RIMS2: variants seen among roughly 807,000 people sequenced by gnomAD.
The protein encoded by RIMS2 is regulating synaptic membrane exocytosis protein 2.
Under a neutral mutation model 174.4 loss-of-function variants are expected in RIMS2, and 59 were observed. That is an observed-to-expected ratio of 0.34 (90% CI 0.27 to 0.42). The LOEUF is 0.42. Among genes scored for constraint, RIMS2 ranks in the 10% least tolerant of loss-of-function variants. The probability of loss-of-function intolerance (pLI) is 1.00; values close to 1 mark genes in which losing one functional copy is unlikely to be tolerated. For missense variants in RIMS2, 1,620 were observed against 1,666.3 expected, an observed-to-expected ratio of 0.97 and a Z score of 0.48; for synonymous variants, 606 against 572.5, an observed-to-expected ratio of 1.06 and a Z score of -0.84.
At position 103,990,929 on chromosome 8, in the gene RIMS2, A is replaced by G. The variant is rs1035966523; in HGVS notation, c.3044+1508A>G. Among the ~76,000 whole-genome samples, 5 of 152,110 alleles carry G rather than the reference A, an allele frequency of 3.3e-5. No homozygotes were observed. The East Asian group carries it at 9.7e-4, about 29-fold the overall frequency. ...ATTATAAATAAAAATGATTGCTATC[A>G]TGTCAAATGCATAATACTTTATAAA... On this transcript the variant is annotated intron_variant, in intron 17 of 23. Coordinates refer to ENST00000504942, the Ensembl canonical transcript of RIMS2.
intron 1 of RIMS2, among the ~76,000 whole-genome samples, chr8:103,692,182 C>T (rs1335095818): frequency 3.9e-5 from 6 of 152,156 alleles, no homozygotes; most frequent in South Asian, 4.2e-4. Flanking sequence ...TGTGCCTCAC[C>T]GAAAGCTCAC....
chr8:104,082,765 A>G (rs1270225184), intron 19 of RIMS2, among the ~76,000 whole-genome samples: 3 of 151,686 alleles, frequency 2.0e-5, no homozygotes, highest in African/African-American at 7.3e-5. Context: ...CTATATATCT[A>G]TATTCTTTTA....
At chr8:104,122,523 T>C (rs1249092193) in intron 19 of RIMS2, among the ~76,000 whole-genome samples, 3 of 152,136 alleles carry the variant, frequency 2.0e-5, no homozygotes, top group Non-Finnish European at 2.9e-5. Context: ...CTATTTTGGG[T>C]AACTATGACT....
intron 4 of RIMS2, among the ~76,000 whole-genome samples, chr8:103,892,955 A>G (rs112005064): frequency 0.011 from 1,698 of 152,006 alleles, 39 homozygotes; most frequent in African/African-American, 0.039. Context: ...TGGAGGATAT[A>G]TTATTATTAT....
intron 3 of RIMS2, among the ~76,000 whole-genome samples, chr8:103,800,511 A>G (rs1313197276): frequency 6.6e-6 from 1 of 152,134 alleles, no homozygotes; most frequent in Non-Finnish European, 1.5e-5. Flanking sequence ...GTCTTCTATT[A>G]CTAATTTGCT....
chr8:104,186,980 T>C (rs1488533160), intron 19 of RIMS2, among the ~76,000 whole-genome samples: 2 of 151,686 alleles, frequency 1.3e-5, no homozygotes, highest in Non-Finnish European at 2.9e-5. Flanking sequence ...AACCTATTTG[T>C]ACAAATAGGT....
At chr8:103,719,396 C>T (rs906453532) in intron 2 of RIMS2, among the ~76,000 whole-genome samples, 2 of 152,186 alleles carry the variant, frequency 1.3e-5, no homozygotes, top group African/African-American at 4.8e-5. Context: ...GCAGGGAAGC[C>T]ATACAAACAT....
intron 1 of RIMS2, among the ~76,000 whole-genome samples, chr8:103,512,937 C>T (rs1242725146): frequency 6.6e-6 from 1 of 152,120 alleles, no homozygotes; most frequent in Non-Finnish European, 1.5e-5. Flanking sequence ...TAAACTAAAT[C>T]AGCAGGAAAT....
intron 1 of RIMS2, among the ~76,000 whole-genome samples, chr8:103,672,582 C>A (rs1164980104): frequency 6.6e-6 from 1 of 151,760 alleles, no homozygotes; most frequent in African/African-American, 2.4e-5. Context: ...GTGCCACACA[C>A]TTTTAAAGAT....
intron 2 of RIMS2, among the ~76,000 whole-genome samples, chr8:103,737,677 C>T (rs2097704326): frequency 6.6e-6 from 1 of 152,186 alleles, no homozygotes; most frequent in Non-Finnish European, 1.5e-5. Context: ...TCTAACATCT[C>T]ATACCATTCT....
At chr8:103,508,572 T>C (rs1824852161) in intron 1 of RIMS2, among the ~76,000 whole-genome samples, 1 of 151,854 alleles carries the variant, frequency 6.6e-6, no homozygotes, top group Non-Finnish European at 1.5e-5. Flanking sequence ...ACTGGAGAGA[T>C]GGCAAGGTTC....
chr8:104,183,305 A>G (rs1338559937), intron 19 of RIMS2, among the ~76,000 whole-genome samples: 2 of 151,738 alleles, frequency 1.3e-5, no homozygotes, highest in Non-Finnish European at 3.0e-5. Context: ...ATTAAGTAGG[A>G]CTTTATAATC....
At chr8:103,581,313 A>C (rs569127586) in intron 1 of RIMS2, among the ~76,000 whole-genome samples, 1 of 152,354 alleles carries the variant, frequency 6.6e-6, no homozygotes, top group East Asian at 1.9e-4. Context: ...CAGGGAATCA[A>C]GCATGGGCCA....
At chr8:104,212,447 T>A (rs565156293) in intron 19 of RIMS2, among the ~76,000 whole-genome samples, 2 of 152,270 alleles carry the variant, frequency 1.3e-5, no homozygotes, top group South Asian at 4.1e-4. Flanking sequence ...TAATTTCAGA[T>A]TAAAGAGTGT....
At chr8:103,615,182 A>G (rs2095476648) in intron 1 of RIMS2, among the ~76,000 whole-genome samples, 1 of 152,220 alleles carries the variant, frequency 6.6e-6, no homozygotes, top group Non-Finnish European at 1.5e-5. Context: ...AATACCAAGC[A>G]CACTGTCAGA....
intron 1 of RIMS2, among the ~76,000 whole-genome samples, chr8:103,570,959 CA>C (rs2092762960): frequency 6.6e-6 from 1 of 152,148 alleles, no homozygotes; most frequent in African/African-American, 2.4e-5. Context: ...ACCAATGACA[CA>C]AAATAAATAT....
At chr8:103,529,648 C>T (rs1447792172) in intron 1 of RIMS2, among the ~76,000 whole-genome samples, 7 of 152,172 alleles carry the variant, frequency 4.6e-5, no homozygotes, top group Non-Finnish European at 8.8e-5. Flanking sequence ...ACCCACTGTC[C>T]GACAAGCCCC....
At chr8:103,668,597 T>C (rs1053429475) in intron 1 of RIMS2, among the ~76,000 whole-genome samples, 2 of 152,180 alleles carry the variant, frequency 1.3e-5, no homozygotes, top group African/African-American at 4.8e-5. Context: ...TGCATGCATG[T>C]GTGTATTCTA....
intron 19 of RIMS2, among the ~76,000 whole-genome samples, chr8:104,223,958 G>T (rs1475073554): frequency 6.6e-6 from 1 of 152,238 alleles, no homozygotes; most frequent in Non-Finnish European, 1.5e-5. Context: ...GCTGAGCAGA[G>T]AAGTTGTTTC....
Sources: gnomAD v4.1 joint callset for allele counts (sites outside exome capture counted in the v4.1 genomes callset) on GRCh38, gnomAD v4.1.1 for gene constraint, MANE v1.5 for transcripts, NCBI Gene and HGNC (gene_info 2026-07-23, HGNC 2026-07-21) for gene names.